Variants in TFCP2L1 observed in about 807,000 individuals in gnomAD.
The protein encoded by TFCP2L1 is transcription factor CP2 like 1, also known as transcription factor CP2-like protein 1.
Under a neutral mutation model 72.2 loss-of-function variants are expected in TFCP2L1, and 12 were observed. The observed-to-expected ratio is 0.17, with a 90% confidence interval of 0.11 to 0.27. The LOEUF is 0.27. Ranked by LOEUF, TFCP2L1 falls within the 10% of genes least tolerant of loss-of-function variation. TFCP2L1 has a pLI of 1.00. For missense variants in TFCP2L1, 488 were observed against 624.6 expected (o/e 0.78, Z 2.33); for synonymous variants, 260 against 251.0 (o/e 1.04, Z -0.34).
chr2:121,246,925 C>T lies in TFCP2L1; in HGVS notation c.550G>A (p.Glu184Lys). Residue 184 changes from glutamate to lysine, a missense_variant, in exon 6 of 15, where the codon GAG becomes AAG. Coordinates refer to ENST00000263707, the MANE Select transcript of TFCP2L1 (RefSeq NM_014553.3). ...TGGACTCGAAAGGGCACTCCCTTCTCGCCCCCGTGCTTCCTGGGGGTGAAT... is the reference window on the plus strand; with the variant it reads ...TGGACTCGAAAGGGCACTCCCTTCTTGCCCCCGTGCTTCCTGGGGGTGAAT... ...TEFTPRKHGGEKGVPFRVQID... is the reference protein window; with the variant it reads ...TEFTPRKHGGKKGVPFRVQID... The T allele has an allele frequency of 2.5e-6, 4 of 1,614,152 alleles. No homozygotes were observed. The highest frequency in any genetic ancestry group is 2.5e-6 in the Non-Finnish European group (3 of 1,180,016).
intron 8 of TFCP2L1, among the ~76,000 whole-genome samples, chr2:121,239,100 G>A (rs1050394754): frequency 6.6e-6 from 1 of 152,144 alleles, no homozygotes; most frequent in Admixed American, 6.5e-5. Flanking sequence ...AGAGCTGTGT[G>A]GGACAGCAAT....
At position 121,224,324 on chromosome 2, in the gene TFCP2L1, A is replaced by G. The variant is rs1332370767; in HGVS notation, c.*17T>C. 2 of 1,613,730 alleles carry G rather than the reference A, an allele frequency of 1.2e-6. No homozygotes were observed. The highest frequency in any genetic ancestry group is 2.7e-5 in the African/African-American group (2 of 74,916). On this transcript the variant is annotated 3_prime_UTR_variant, in exon 15 of 15. Coordinates refer to ENST00000263707, the MANE Select transcript of TFCP2L1 (RefSeq NM_014553.3). Reference sequence around the variant, plus strand: ...ACAGGGCTGGGAGCTGGAGACAGGTATGAGGTCCACTGCTGCTCAGAGTCC... The same window carrying G: ...ACAGGGCTGGGAGCTGGAGACAGGTGTGAGGTCCACTGCTGCTCAGAGTCC...
At position 121,237,814 on chromosome 2, in the gene TFCP2L1, G is replaced by A. The variant is rs752230601; in HGVS notation, c.897C>T (p.Pro299=). 21 of 1,613,976 alleles carry A rather than the reference G, an allele frequency of 1.3e-5. No individual in the cohort carries two copies. Among genetic ancestry groups the A allele is most frequent in the East Asian group, 6.7e-5 (3 of 44,878 alleles). The change falls in exon 9 of 15, where the codon CCC becomes CCT. Residue 299 remains proline (P), a synonymous_variant. Coordinates refer to ENST00000263707, the MANE Select transcript of TFCP2L1 (RefSeq NM_014553.3). Reference sequence around the variant, plus strand: ...CTCAGACACTTACGTCACTGCCCACGGGCAGGGCCTCCACCGGGTGGGTCG... The same window carrying A: ...CTCAGACACTTACGTCACTGCCCACAGGCAGGGCCTCCACCGGGTGGGTCG... The part of the protein sequence containing the change: ...ASPTHPVEAL[P]VGSDHLLPSA...
chr2:121,273,194 AAGCATTCCCCACCGCAAGTC>A lies in TFCP2L1; in HGVS notation c.214+7906_214+7925del, dbSNP rs377523169. On this transcript the variant is annotated intron_variant, in intron 2 of 14. Coordinates refer to ENST00000263707, the MANE Select transcript of TFCP2L1 (RefSeq NM_014553.3). The stretch of plus-strand genomic sequence containing the variant: ...AGAGTTGTTTTGACAGAAAATATCA[AAGCATTCCCCACCGCAAGTC>A]ATTTTTGCAATGTTGTTTCTTATCT... Among the ~76,000 whole-genome samples, 444 of 152,310 alleles carry A rather than the reference AAGCATTCCCCACCGCAAGTC, an allele frequency of 2.9e-3. 1 individual carries two copies. Among genetic ancestry groups the A allele is most frequent in the Admixed American group, 4.0e-3 (61 of 15,304 alleles).
chr2:121,228,357 G>A (rs977861099), intron 13 of TFCP2L1, among the ~76,000 whole-genome samples: 1 of 151,968 alleles, frequency 6.6e-6, no homozygotes, highest in African/African-American at 2.4e-5. Flanking sequence ...CACTACAGCT[G>A]TCCACTGCTC....
At chr2:121,256,743 T>C (rs1017757279) in intron 2 of TFCP2L1, among the ~76,000 whole-genome samples, 4 of 151,324 alleles carry the variant, frequency 2.6e-5, no homozygotes, top group Non-Finnish European at 5.9e-5. Flanking sequence ...GTCATTGCAC[T>C]CCAGCTGGGG....
chr2:121,278,696 GAA>G, intron 2 of TFCP2L1, among the ~76,000 whole-genome samples: 1 of 109,716 alleles, frequency 9.1e-6, no homozygotes, highest in South Asian at 2.9e-4. Context: ...AAAGAAGAAA[GAA>G]AAAAAAAAAA....
At chr2:121,264,694 C>T (rs563952431) in intron 2 of TFCP2L1, among the ~76,000 whole-genome samples, 3 of 152,306 alleles carry the variant, frequency 2.0e-5, no homozygotes, top group South Asian at 2.1e-4. Flanking sequence ...TCAAAGAATG[C>T]TCCCCAACAT....
intron 11 of TFCP2L1, 108 bp downstream of exon 11, chr2:121,235,113 T>TC (rs1686218401): frequency 8.5e-7 from 1 of 1,172,316 alleles, no homozygotes; most frequent in Non-Finnish European, 1.3e-6. Context: ...AGGAGTCCTG[T>TC]CCCCCCAGCC....
chr2:121,265,501 T>C (rs1431341153), intron 2 of TFCP2L1, among the ~76,000 whole-genome samples: 1 of 152,172 alleles, frequency 6.6e-6, no homozygotes, highest in Non-Finnish European at 1.5e-5. Flanking sequence ...TTTTTTTCTT[T>C]GAGACAGGGT....
chr2:121,237,473 G>T, intron 10 of TFCP2L1, 150 bp downstream of exon 10: 1 of 840,170 alleles, frequency 1.2e-6, no homozygotes, highest in Non-Finnish European at 1.9e-6. Context: ...CCCAGGGTTG[G>T]GGCACGTGAG....
intron 13 of TFCP2L1, among the ~76,000 whole-genome samples, chr2:121,227,509 C>G (rs1686052613): frequency 6.6e-6 from 1 of 151,060 alleles, no homozygotes; most frequent in East Asian, 1.9e-4. Flanking sequence ...TGGTGAAACC[C>G]CATCTCTACT....
intron 2 of TFCP2L1, among the ~76,000 whole-genome samples, chr2:121,271,200 T>TAAAAA (rs70954542): frequency 5.4e-5 from 7 of 129,984 alleles, no homozygotes; most frequent in East Asian, 2.3e-4. Flanking sequence ...AAAATAAAAA[T>TAAAAA]AAAAAAAAAA....
intron 13 of TFCP2L1, among the ~76,000 whole-genome samples, chr2:121,227,681 C>CAAATAAAATAAAATA (rs569152525): frequency 6.8e-6 from 1 of 146,776 alleles, no homozygotes; most frequent in South Asian, 2.2e-4. Context: ...ACTCTGTCTC[C>CAAATAAAATAAAATA]AAATAAAATA....
chr2:121,225,285 T>C (rs1020650870), intron 14 of TFCP2L1, among the ~76,000 whole-genome samples: 8 of 152,166 alleles, frequency 5.3e-5, no homozygotes, highest in Non-Finnish European at 1.0e-4. Flanking sequence ...AGGCTTGATC[T>C]TCCCGGAGGA....
At chr2:121,226,255 GTGACATGAT>G (rs1686030962) in intron 13 of TFCP2L1, among the ~76,000 whole-genome samples, 1 of 151,806 alleles carries the variant, frequency 6.6e-6, no homozygotes. Flanking sequence ...GAATCAAGGT[GTGACATGAT>G]TGCAATTTAA....
intron 2 of TFCP2L1, among the ~76,000 whole-genome samples, chr2:121,270,563 T>C (rs1418030300): frequency 6.6e-6 from 1 of 152,156 alleles, no homozygotes; most frequent in Admixed American, 6.5e-5. Flanking sequence ...ATGAAAACAA[T>C]GGAAACAAGC....
At chr2:121,233,899 G>A (rs71424379) in intron 12 of TFCP2L1, among the ~76,000 whole-genome samples, 192 bp downstream of exon 12, 17,254 of 152,286 alleles carry the variant, frequency 0.11, 1,127 homozygotes, top group Middle Eastern at 0.15. Flanking sequence ...CCCACACTGC[G>A]GGGCCGCCAC....
chr2:121,235,938 G>A lies in TFCP2L1; in HGVS notation c.1004-627C>T, dbSNP rs1029324337. 2.0e-5 allele frequency among the ~76,000 whole-genome samples: 3 copies of A among 152,036 alleles called. No individual in the cohort carries two copies. In the East Asian group the frequency reaches 5.8e-4, roughly 29 times the overall value. On this transcript the variant is annotated intron_variant, in intron 10 of 14. Transcript: ENST00000263707. Reference sequence around the variant, plus strand: ...CCACCACCCCTACTCCCACCCAGGGGAGCCACTATCCTGACTTGCTACAGT... The same window carrying A: ...CCACCACCCCTACTCCCACCCAGGGAAGCCACTATCCTGACTTGCTACAGT...
Sources: allele counts gnomAD v4.1 joint callset (sites outside exome capture counted in the v4.1 genomes callset), GRCh38; gene constraint gnomAD v4.1.1; transcripts MANE v1.5; gene names NCBI Gene and HGNC (gene_info 2026-07-23, HGNC 2026-07-21).